ABHD2: variants seen among roughly 807,000 people sequenced by gnomAD.
The protein encoded by ABHD2 is monoacylglycerol lipase ABHD2.
ABHD2 carries 20 observed loss-of-function variants against 48.1 expected under a neutral mutation model. The observed-to-expected ratio is 0.42, with a 90% CI of 0.29 to 0.60. ABHD2 has a LOEUF of 0.60. Among genes scored for constraint, ABHD2 ranks in the 20% least tolerant of loss-of-function variants. The pLI, the probability that ABHD2 is intolerant of heterozygous loss-of-function variation, is 0.24. For synonymous variants in ABHD2, 209 were observed against 214.2 expected (o/e 0.98, Z 0.21); for missense variants, 405 against 550.9 (o/e 0.74, Z 2.65).
At chr15:89,162,159 A>G (rs2050772344) in intron 5 of ABHD2, among the ~76,000 whole-genome samples, 1 of 152,192 alleles carries the variant, frequency 6.6e-6, no homozygotes. Context: ...AGTTCAGCAT[A>G]TGAATCTTGG....
the ABHD2 span, among the ~76,000 whole-genome samples, chr15:89,072,946 C>G: frequency 6.6e-6 from 1 of 151,908 alleles, no homozygotes; most frequent in Non-Finnish European, 1.5e-5. Flanking sequence ...TAATTTTTAA[C>G]TAGTAAGTTT....
chr15:89,056,384 C>T, the ABHD2 span, among the ~76,000 whole-genome samples: 1 of 152,162 alleles, frequency 6.6e-6, no homozygotes, highest in East Asian at 1.9e-4. Flanking sequence ...TGCCCCAGTG[C>T]AGGATTGTGG....
the ABHD2 span, among the ~76,000 whole-genome samples, chr15:89,058,444 G>A: frequency 6.6e-6 from 1 of 152,312 alleles, no homozygotes; most frequent in Admixed American, 6.5e-5. Flanking sequence ...ACAGAAGAGG[G>A]CTTGCTGTAA....
rs1168642212 is a variant in ABHD2 at position 89,151,914 on chromosome 15, G to C, written c.370+62G>C. 1 of 1,563,226 alleles carries C rather than the reference G, an allele frequency of 6.4e-7. No homozygotes were observed. The highest frequency in any genetic ancestry group is 8.7e-7 in the Non-Finnish European group (1 of 1,151,496). On this transcript the variant is annotated intron_variant, in intron 4 of 10. Coordinates refer to ENST00000352732, the MANE Select transcript of ABHD2 (RefSeq NM_152924.5). This position sits in a 1 kb window ranked among gnomAD's most constrained non-coding sequence, Gnocchi z 4.7. The stretch of plus-strand genomic sequence containing the variant: ...CAGAGAAGGAGCACTAGTCAGTGGA[G>C]AGCACAGCAGTGTGAATACTTGTGC...
At chr15:89,152,681 C>A (rs2050612900) in intron 4 of ABHD2, among the ~76,000 whole-genome samples, 1 of 152,148 alleles carries the variant, frequency 6.6e-6, no homozygotes, top group African/African-American at 2.4e-5. Flanking sequence ...GCTTAGGTTT[C>A]CCTGGACAAA....
At chr15:89,051,968 C>G in the ABHD2 span, among the ~76,000 whole-genome samples, 1 of 152,136 alleles carries the variant, frequency 6.6e-6, no homozygotes, top group East Asian at 1.9e-4. Flanking sequence ...GACTGAGCCA[C>G]AGGAGAATAT....
chr15:89,179,527 C>G lies in ABHD2; in HGVS notation c.722+3532C>G, dbSNP rs2051073407. Among the ~76,000 whole-genome samples, 1 of 152,100 alleles carries G rather than the reference C, an allele frequency of 6.6e-6. No individual in the cohort carries two copies. Among genetic ancestry groups the G allele is most frequent in the East Asian group, 1.9e-4 (1 of 5,202 alleles). On this transcript the variant is annotated intron_variant, in intron 6 of 10. Coordinates refer to ENST00000352732, the MANE Select transcript of ABHD2 (RefSeq NM_152924.5). The surrounding 1 kb of genome is among the most constrained non-coding windows in gnomAD (Gnocchi z 4.3). Reference sequence around the variant, plus strand: ...TCCCATCACCCCCAGATGGGACTGTCTAGTTGCAGGAAAATAAGCTCAGGG... The same window carrying G: ...TCCCATCACCCCCAGATGGGACTGTGTAGTTGCAGGAAAATAAGCTCAGGG...
chr15:89,191,438 G>C (rs996509542), intron 9 of ABHD2, among the ~76,000 whole-genome samples: 2 of 152,074 alleles, frequency 1.3e-5, no homozygotes, highest in Non-Finnish European at 1.5e-5. Context: ...GTATAATCCT[G>C]TCTGGTTTCT....
intron 3 of ABHD2, chr15:89,135,462 CA>C: frequency 1.4e-6 from 1 of 723,592 alleles, no homozygotes; most frequent in Non-Finnish European, 2.4e-6. Flanking sequence ...CCTTACATTT[CA>C]GTTTTTTTCT....
Position 89,155,225 on chromosome 15 carries a change from G to A in ABHD2, c.371-142G>A, listed in dbSNP as rs1354626046. ...GATATAGACAGCTCCAGCTAGAAGG[G>A]AAAAATTCTTCCCCAGAGAACTGAG... On this transcript the variant is annotated intron_variant, in intron 4 of 10. Transcript: ENST00000352732. The surrounding 1 kb of genome is among the most constrained non-coding windows in gnomAD (Gnocchi z 4.9). 21 of 911,380 alleles carry A rather than the reference G, an allele frequency of 2.3e-5. No homozygotes were observed. Among genetic ancestry groups the A allele is most frequent in the Non-Finnish European group, 3.4e-5 (21 of 611,764 alleles). The allele number at this position is 911,380 out of a possible 1,614,324, so 56.5% of individuals were successfully genotyped here.
chr15:89,163,718 G>T (rs2050796427), intron 5 of ABHD2, among the ~76,000 whole-genome samples: 1 of 152,226 alleles, frequency 6.6e-6, no homozygotes, highest in Non-Finnish European at 1.5e-5. Context: ...CACTTTGGTG[G>T]TAGTGGTCAT....
At chr15:89,099,229 C>T (rs1368333831) in intron 1 of ABHD2, among the ~76,000 whole-genome samples, 3 of 152,202 alleles carry the variant, frequency 2.0e-5, no homozygotes, top group Non-Finnish European at 4.4e-5. Flanking sequence ...ATTAAAATCA[C>T]GAACACTTTA....
rs76631372 is a variant in ABHD2 at position 89,161,141 on chromosome 15, C to G, written c.538+5607C>G. On this transcript the variant is annotated intron_variant, in intron 5 of 10. Transcript: ENST00000352732. ...TACCTGTGCCAGTGGCTTAGCTCTCCGGGAGTCTAAGGTATAGCCAAGGTT... is the reference window on the plus strand; with the variant it reads ...TACCTGTGCCAGTGGCTTAGCTCTCGGGGAGTCTAAGGTATAGCCAAGGTT... 4.3e-3 allele frequency among the ~76,000 whole-genome samples: 660 copies of G among 152,212 alleles called. 7 individuals are homozygous for G. The highest frequency in any genetic ancestry group is 0.015 in the African/African-American group (622 of 41,536).
intron 1 of ABHD2, among the ~76,000 whole-genome samples, chr15:89,105,167 T>C (rs2049764526): frequency 1.3e-5 from 2 of 152,240 alleles, no homozygotes; most frequent in African/African-American, 4.8e-5. Context: ...TAGCCAGTAC[T>C]ATTCTTTCAG....
At chr15:89,045,076 T>G in the ABHD2 span, among the ~76,000 whole-genome samples, 1 of 152,212 alleles carries the variant, frequency 6.6e-6, no homozygotes, top group Non-Finnish European at 1.5e-5. Flanking sequence ...TGAATTGATT[T>G]TTGTATAAGG....
chr15:89,199,999 T>C lies in ABHD2; in HGVS notation c.*4576T>C, dbSNP rs2051450187. 6.6e-6 allele frequency: 1 copy of C among 152,604 alleles called. No homozygotes were observed. The highest frequency in any genetic ancestry group is 1.5e-5 in the Non-Finnish European group (1 of 68,062). The allele number at this position is 152,604 out of a possible 1,614,324, so 9.5% of individuals were successfully genotyped here. ...GCCTCGGAACGCTGCAGCCCAGGCTTCCTCCCACAGTGGCCCTTGGAAGCA... is the reference window on the plus strand; with the variant it reads ...GCCTCGGAACGCTGCAGCCCAGGCTCCCTCCCACAGTGGCCCTTGGAAGCA... On this transcript the variant is annotated 3_prime_UTR_variant, in exon 11 of 11. Coordinates refer to ENST00000352732, the MANE Select transcript of ABHD2 (RefSeq NM_152924.5). This position sits in a 1 kb window ranked among gnomAD's most constrained non-coding sequence, Gnocchi z 4.1.
the ABHD2 span, among the ~76,000 whole-genome samples, chr15:89,057,393 G>A: frequency 6.6e-6 from 1 of 152,130 alleles, no homozygotes; most frequent in African/African-American, 2.4e-5. Flanking sequence ...GTGATGATGG[G>A]GTTTCTGAAG....
Position 89,166,097 on chromosome 15 carries a change from T to C in ABHD2, c.539-9715T>C, listed in dbSNP as rs1567100085. Among the ~76,000 whole-genome samples the C allele has an allele frequency of 6.6e-6, 1 of 152,224 alleles. No homozygotes were observed. The highest frequency in any genetic ancestry group is 1.5e-5 in the Non-Finnish European group (1 of 68,044). ...AAGAGCCAAGTAACAAAGGATCTTA[T>C]TAGTTTGATCTTGATTTAAAGAGAG... On this transcript the variant is annotated intron_variant, in intron 5 of 10. Transcript: ENST00000352732. The surrounding 1 kb of genome is among the most constrained non-coding windows in gnomAD (Gnocchi z 4.6).
At chr15:89,159,555 A>G (rs1184363456) in intron 5 of ABHD2, among the ~76,000 whole-genome samples, 1 of 152,198 alleles carries the variant, frequency 6.6e-6, no homozygotes, top group Non-Finnish European at 1.5e-5. Context: ...GCTCCTAAAC[A>G]GAGGCACTCA....
Sources: allele counts gnomAD v4.1 joint callset (sites outside exome capture counted in the v4.1 genomes callset), GRCh38; gene constraint gnomAD v4.1.1; non-coding constraint Gnocchi (gnomAD v3.1); transcripts MANE v1.5; gene names NCBI Gene and HGNC (gene_info 2026-07-23, HGNC 2026-07-21).